Variants in SRFBP1 observed in about 807,000 individuals in gnomAD.
The protein encoded by SRFBP1 is serum response factor binding protein 1, also known as serum response factor-binding protein 1.
A neutral mutation model predicts 45.5 loss-of-function variants in SRFBP1; 47 were observed. That is an observed-to-expected ratio of 1.03 (90% confidence interval 0.82 to 1.32). The LOEUF is 1.32. SRFBP1 is among the 40% of genes most tolerant of loss of function. The pLI is 0.00. For missense variants in SRFBP1, 621 were observed against 484.6 expected (o/e 1.28, Z -2.64); for synonymous variants, 203 against 166.3 (o/e 1.22, Z -1.70).
chr5:122,015,865 A>C (rs1438338322), intron 4 of SRFBP1, among the ~76,000 whole-genome samples: 1 of 152,138 alleles, frequency 6.6e-6, no homozygotes, highest in Non-Finnish European at 1.5e-5. Context: ...ATGTTGTGGT[A>C]GGTAAAGATT....
At chr5:121,968,801 C>T (rs745495186) in intron 1 of SRFBP1, among the ~76,000 whole-genome samples, 6 of 152,046 alleles carry the variant, frequency 3.9e-5, no homozygotes, top group Admixed American at 1.3e-4. Context: ...AATTTGTTGT[C>T]GTAGTTTTTT....
intron 1 of SRFBP1, among the ~76,000 whole-genome samples, chr5:121,965,687 C>T (rs895839659): frequency 7.9e-5 from 12 of 152,000 alleles, no homozygotes; most frequent in Non-Finnish European, 1.8e-4. Flanking sequence ...TTTTTTGATT[C>T]CATATGAACT....
At chr5:122,016,150 T>A (rs1753190344) in intron 4 of SRFBP1, among the ~76,000 whole-genome samples, 1 of 152,244 alleles carries the variant, frequency 6.6e-6, no homozygotes, top group East Asian at 1.9e-4. Flanking sequence ...GCTATTGATA[T>A]GTCCTCTCCA....
Position 122,027,073 on chromosome 5 carries a change from C to T in SRFBP1, c.1237C>T (p.Gln413Ter), listed in dbSNP as rs988125238. The change falls in exon 8 of 8, where the codon CAG becomes TAG. Residue 413 changes from glutamine (Q) to a stop codon, truncating the protein, a stop_gained. Transcript: ENST00000339397. LOFTEE classifies it high-confidence loss of function. ...GGAAGCAAGCAGAAGGCGAAAAGAA[C>T]AGCAATCTAATATTGCTGTGTTTCA... Reference protein sequence around the residue: ...SWEASRRRKEQQSNIAVFQGK... With the variant: ...SWEASRRRKE 6.2e-7 allele frequency: 1 copy of T among 1,612,422 alleles called. No individual in the cohort carries two copies. Among genetic ancestry groups the T allele is most frequent in the East Asian group, 2.2e-5 (1 of 44,750 alleles).
chr5:122,037,292 C>T (rs1036585628), intron 2 of SRFBP1, among the ~76,000 whole-genome samples: 1 of 152,156 alleles, frequency 6.6e-6, no homozygotes, highest in Non-Finnish European at 1.5e-5. Context: ...TCACACTCTG[C>T]CTCTTGTTTT....
At chr5:122,066,132 T>A (rs530692658) in intron 2 of SRFBP1, 6 of 152,256 alleles carry the variant, frequency 3.9e-5, no homozygotes, top group Admixed American at 2.6e-4. Flanking sequence ...TATCTACTAA[T>A]TTTTTAAATG....
At chr5:122,033,813 T>C (rs1164810401) in intron 2 of SRFBP1, among the ~76,000 whole-genome samples, 1 of 150,772 alleles carries the variant, frequency 6.6e-6, no homozygotes, top group Non-Finnish European at 1.5e-5. Flanking sequence ...TATTCTTTTA[T>C]TTTCAGTTTT....
At chr5:122,007,028 T>C (rs960085588) in intron 4 of SRFBP1, among the ~76,000 whole-genome samples, 6 of 152,116 alleles carry the variant, frequency 3.9e-5, no homozygotes, top group African/African-American at 1.5e-4. Context: ...GGACTTATTC[T>C]AGTGTTTGCA....
chr5:122,077,139 C>A (rs1754661809), downstream of SRFBP1: 3 of 1,473,994 alleles, frequency 2.0e-6, no homozygotes, highest in African/African-American at 1.4e-5. The surrounding 1 kb of genome is among the most constrained non-coding windows in gnomAD (Gnocchi z 4.9). Context: ...AGCAAGAGAA[C>A]TGGGGACGCC....
chr5:121,977,201 T>A (rs1382239183), intron 3 of SRFBP1, among the ~76,000 whole-genome samples: 2 of 152,046 alleles, frequency 1.3e-5, no homozygotes, highest in African/African-American at 4.8e-5. Context: ...TGTGTTCTAT[T>A]TTTCCCTGTG....
chr5:122,077,572 G>T (rs1395129514), downstream of SRFBP1: 3 of 1,612,702 alleles, frequency 1.9e-6, no homozygotes, highest in Non-Finnish European at 2.5e-6. This position sits in a 1 kb window ranked among gnomAD's most constrained non-coding sequence, Gnocchi z 4.9. Context: ...CGCGCGAGGC[G>T]CCAGCTTCGC....
chr5:122,068,782 G>C (rs907559067), intron 2 of SRFBP1, among the ~76,000 whole-genome samples: 1 of 151,540 alleles, frequency 6.6e-6, no homozygotes, highest in Non-Finnish European at 1.5e-5. Context: ...TCTAGCTCAG[G>C]GCATCAACAA....
chr5:121,992,481 C>T (rs1752638944), intron 3 of SRFBP1, among the ~76,000 whole-genome samples: 1 of 151,966 alleles, frequency 6.6e-6, no homozygotes. Context: ...TTACATTTGG[C>T]TTACCTGGAT....
At chr5:122,056,742 T>C (rs1414622783) in intron 2 of SRFBP1, among the ~76,000 whole-genome samples, 3 of 152,116 alleles carry the variant, frequency 2.0e-5, no homozygotes, top group African/African-American at 4.8e-5. Context: ...ACAAGTCAAA[T>C]AAGAGAAGAT....
chr5:122,021,641 A>C (rs1352971624), intron 6 of SRFBP1, among the ~76,000 whole-genome samples: 3 of 147,314 alleles, frequency 2.0e-5, no homozygotes, highest in Non-Finnish European at 4.5e-5. Flanking sequence ...ATGGCACACC[A>C]CTATCCCTTT....
intron 5 of SRFBP1, among the ~76,000 whole-genome samples, chr5:122,019,862 C>A (rs1753266515): frequency 6.6e-6 from 1 of 151,986 alleles, no homozygotes; most frequent in Non-Finnish European, 1.5e-5. Flanking sequence ...AAAACATTTT[C>A]TTTTCATTTT....
intron 2 of SRFBP1, among the ~76,000 whole-genome samples, chr5:122,047,983 A>T (rs555363278): frequency 6.6e-6 from 1 of 152,292 alleles, no homozygotes; most frequent in African/African-American, 2.4e-5. Flanking sequence ...CAATCATGTC[A>T]TCTGCAAACA....
chr5:122,061,754 A>T (rs1336593220), intron 2 of SRFBP1, among the ~76,000 whole-genome samples: 2 of 151,988 alleles, frequency 1.3e-5, no homozygotes, highest in African/African-American at 4.8e-5. Context: ...TTTTTCTAAA[A>T]TAGAACATGG....
chr5:121,975,282 G>C (rs1472361840), intron 2 of SRFBP1, 33 bp from the exon 3 acceptor site: 4 of 1,588,224 alleles, frequency 2.5e-6, no homozygotes. Flanking sequence ...TTAATGCTTT[G>C]CCTGGCTACA....
Sources: gnomAD v4.1 joint callset for allele counts (sites outside exome capture counted in the v4.1 genomes callset) on GRCh38, gnomAD v4.1.1 for gene constraint, Gnocchi (gnomAD v3.1) non-coding constraint, MANE v1.5 for transcripts, NCBI Gene and HGNC (gene_info 2026-07-23, HGNC 2026-07-21) for gene names.